Variants in MDH2 observed in about 807,000 individuals in gnomAD.
MDH2 encodes the protein malate dehydrogenase, mitochondrial.
In MDH2, 25 loss-of-function variants were observed where a neutral mutation model predicts 33.6. The observed-to-expected ratio is 0.74, with a 90% CI of 0.54 to 1.04. The LOEUF is 1.04. MDH2 is among the 50% of genes least tolerant of loss of function. The probability of loss-of-function intolerance (pLI) is 0.00; values close to 1 mark genes in which losing one functional copy is unlikely to be tolerated. For missense variants in MDH2, 432 were observed against 445.0 expected (o/e 0.97, Z 0.26); for synonymous variants, 193 against 188.7 (o/e 1.02, Z -0.19).
chr7:76,049,279 C>T (rs1368721379), intron 1 of MDH2, among the ~76,000 whole-genome samples: 2 of 152,086 alleles, frequency 1.3e-5, no homozygotes, highest in African/African-American at 4.8e-5. Flanking sequence ...AATGGGTTCC[C>T]ACAGGCAACC....
At chr7:76,051,213 T>G (rs1797616492) in intron 1 of MDH2, among the ~76,000 whole-genome samples, 1 of 152,102 alleles carries the variant, frequency 6.6e-6, no homozygotes, top group Non-Finnish European at 1.5e-5. Flanking sequence ...ATGTTCAATT[T>G]AAAATGCCTG....
In MDH2 at chr7:76,066,388, A is replaced by G. The variant is rs782507188; in HGVS notation, c.995A>G (p.Asp332Gly). 3.7e-6 allele frequency: 6 copies of G among 1,611,898 alleles called. No homozygotes were observed. In the South Asian group the frequency reaches 6.6e-5, roughly 18 times the overall value. Reference sequence around the variant, plus strand: ...AAGGCCTCCATCAAGAAGGGGGAAGATTTCGTGAAGACCCTGAAGTGAGCC... The same window carrying G: ...AAGGCCTCCATCAAGAAGGGGGAAGGTTTCGTGAAGACCCTGAAGTGAGCC... ...ELKASIKKGE[D>G]FVKTLK Residue 332 changes from aspartate (D) to glycine (G), a missense_variant, in exon 9 of 9, where the codon GAT becomes GGT. Asp to Gly is a moderately conservative substitution (Grantham distance 94, BLOSUM62 -1). Coordinates refer to ENST00000315758, the MANE Select transcript of MDH2 (RefSeq NM_005918.4).
In MDH2 at chr7:76,048,129, G is replaced by T; in HGVS notation, c.-32G>T. 6.5e-7 allele frequency: 1 copy of T among 1,536,078 alleles called. No individual in the cohort carries two copies. The highest frequency in any genetic ancestry group is 2.0e-5 in the Admixed American group (1 of 50,988). The stretch of plus-strand genomic sequence containing the variant: ...TCACTTCCCCGTCACCAGCTCCTGT[G>T]CCTGCCAGTCGGTGCCCCTCCCGCT... On this transcript the variant is annotated 5_prime_UTR_variant, in exon 1 of 9. Coordinates refer to ENST00000315758, the MANE Select transcript of MDH2 (RefSeq NM_005918.4).
chr7:76,058,738 A>G (rs978353312), intron 4 of MDH2, among the ~76,000 whole-genome samples: 10 of 152,212 alleles, frequency 6.6e-5, no homozygotes, highest in African/African-American at 2.4e-4. Context: ...AATTGCCAGC[A>G]TCACTACTCT....
chr7:76,059,042 C>T (rs1187330329), intron 4 of MDH2, among the ~76,000 whole-genome samples: 1 of 152,216 alleles, frequency 6.6e-6, no homozygotes, highest in East Asian at 1.9e-4. Flanking sequence ...CTCCCAGGTT[C>T]AAGCGATTCT....
chr7:76,054,771 T>C (rs1043717766), intron 1 of MDH2, 59 bp from the exon 2 acceptor site: 1 of 1,594,222 alleles, frequency 6.3e-7, no homozygotes. Context: ...TAGGATACCA[T>C]GTGAATCCTT....
chr7:76,050,970 C>T (rs1198207271), intron 1 of MDH2, among the ~76,000 whole-genome samples: 2 of 152,170 alleles, frequency 1.3e-5, no homozygotes, highest in Non-Finnish European at 2.9e-5. Flanking sequence ...CAGCCTCCGC[C>T]TCCTGGGTTC....
intron 1 of MDH2, 150 bp from the exon 2 acceptor site, chr7:76,054,680 T>C: frequency 2.2e-6 from 2 of 926,100 alleles, no homozygotes; most frequent in South Asian, 1.4e-5. Flanking sequence ...TCCTGAATTC[T>C]TCCAGAATGA....
At chr7:76,056,253 A>G (rs1554586269) in intron 2 of MDH2, among the ~76,000 whole-genome samples, 2 of 152,198 alleles carry the variant, frequency 1.3e-5, no homozygotes. Context: ...TGCAGTACGT[A>G]TCTTTATCTT....
At chr7:76,064,673 A>T in intron 7 of MDH2, 129 bp from the exon 8 acceptor site, 1 of 1,110,520 alleles carries the variant, frequency 9.0e-7, no homozygotes, top group Non-Finnish European at 1.3e-6. Flanking sequence ...GTAACAAGAA[A>T]TCGGGGTGCT....
chr7:76,052,201 G>A (rs545693578), intron 1 of MDH2, among the ~76,000 whole-genome samples: 1 of 152,240 alleles, frequency 6.6e-6, no homozygotes, highest in South Asian at 2.1e-4. Context: ...GATAGAGACA[G>A]TCTGGGCATG....
rs570621603 is a variant in MDH2 at position 76,066,021 on chromosome 7, G to A, written c.886-258G>A. 3.9e-5 allele frequency among the ~76,000 whole-genome samples: 6 copies of A among 152,224 alleles called. No homozygotes were observed. In the East Asian group the frequency reaches 1.2e-3, roughly 29 times the overall value. ...TATAGCTAAGGAAACACATTTGGAA[G>A]GTCAGTCATTGTCCAGGGTACCTGC... On this transcript the variant is annotated intron_variant, in intron 8 of 8. Coordinates refer to ENST00000315758, the MANE Select transcript of MDH2 (RefSeq NM_005918.4).
chr7:76,064,735 C>T (rs782230811), intron 7 of MDH2, 67 bp from the exon 8 acceptor site: 62 of 1,504,148 alleles, frequency 4.1e-5, no homozygotes, highest in South Asian at 5.3e-5. Flanking sequence ...TCTTGGCTGG[C>T]GGGGCCGGCT....
intron 8 of MDH2, among the ~76,000 whole-genome samples, chr7:76,065,715 C>T (rs1353070118): frequency 2.6e-5 from 4 of 152,206 alleles, no homozygotes; most frequent in African/African-American, 9.7e-5. Context: ...GAGGTGAGGA[C>T]TGAGGCTGTT....
intron 1 of MDH2, among the ~76,000 whole-genome samples, chr7:76,049,710 T>G (rs1441491020): frequency 6.6e-6 from 1 of 152,158 alleles, no homozygotes; most frequent in Non-Finnish European, 1.5e-5. Context: ...AAGTCCCTGC[T>G]CTCACGGAAA....
intron 8 of MDH2, 100 bp downstream of exon 8, chr7:76,065,053 A>T: frequency 7.1e-7 from 1 of 1,404,784 alleles, no homozygotes; most frequent in Non-Finnish European, 9.9e-7. Flanking sequence ...CAGTAAGCTC[A>T]TGTGCCTGCC....
rs77667838 is a variant in MDH2 at position 76,054,551 on chromosome 7, C to T, written c.67-279C>T. On this transcript the variant is annotated intron_variant, in intron 1 of 8. Coordinates refer to ENST00000315758, the MANE Select transcript of MDH2 (RefSeq NM_005918.4). ...GGGAAGGCTGCTGTTACCAGTCCAG[C>T]TGCCTGATGGAGTCCAGCTTGTTCT... 5,351 of 419,264 alleles carry T rather than the reference C, an allele frequency of 0.013. 211 individuals carry two copies. In the East Asian group the frequency reaches 0.13, roughly 10 times the overall value. The allele number at this position is 419,264 out of a possible 1,614,324, so 26.0% of individuals were successfully genotyped here. A position where few individuals can be genotyped will look rare whatever the true frequency, so the allele number is the denominator to read the frequency against.
In MDH2 at chr7:76,063,599, G is replaced by A. The variant is rs200127047; in HGVS notation, c.633+7G>A. The A allele has an allele frequency of 1.4e-5, 23 of 1,613,248 alleles. No homozygotes were observed. In the East Asian group the frequency reaches 4.0e-4, roughly 28 times the overall value. On this transcript the variant is annotated splice_region_variant and intron_variant, in intron 6 of 8. Transcript: ENST00000315758. ...CATCCCCCTGATCTCTCAGGTACAC[G>A]CATATGACCCTGTGAGGGGCTTCGA...
chr7:76,048,752 C>T lies in MDH2; in HGVS notation c.66+526C>T, dbSNP rs1585392685. 8.9e-6 allele frequency: 11 copies of T among 1,229,952 alleles called. No homozygotes were observed. In the Middle Eastern group the frequency reaches 1.3e-3, roughly 140 times the overall value. 76.2% of individuals were successfully genotyped at this position (1,229,952 alleles called of 1,614,324 possible). ...GAATTCAGCGCTTCTGACCTGAAGA[C>T]GGCTTCCTCTTAACCTTTTTGGAGG... is the stretch of plus-strand genomic sequence containing the variant. On this transcript the variant is annotated intron_variant, in intron 1 of 8. Transcript: ENST00000315758.
Sources: gnomAD v4.1 joint callset for allele counts (sites outside exome capture counted in the v4.1 genomes callset) on GRCh38, gnomAD v4.1.1 for gene constraint, MANE v1.5 for transcripts, NCBI Gene and HGNC (gene_info 2026-07-23, HGNC 2026-07-21) for gene names.